Variants in PIEZO2 observed in about 807,000 individuals in gnomAD.
The protein encoded by PIEZO2 is piezo-type mechanosensitive ion channel component 2.
Under a neutral mutation model 337.3 loss-of-function variants are expected in PIEZO2, and 172 were observed. The observed-to-expected ratio is 0.51, with a 90% CI of 0.45 to 0.58. The LOEUF is 0.58. Among genes scored for constraint, PIEZO2 ranks in the 20% least tolerant of loss-of-function variants. The pLI, the probability that PIEZO2 is intolerant of heterozygous loss-of-function variation, is 0.00. For synonymous variants in PIEZO2, 1,251 were observed against 1,228.5 expected (o/e 1.02, Z -0.38); for missense variants, 3,028 against 3,391.3 (o/e 0.89, Z 2.66).
intron 5 of PIEZO2, among the ~76,000 whole-genome samples, chr18:10,860,494 C>T (rs1367335632): frequency 6.6e-6 from 1 of 152,172 alleles, no homozygotes; most frequent in African/African-American, 2.4e-5. Context: ...CAAAGAAATC[C>T]ACCCACCAGA....
Position 10,696,258 on chromosome 18 carries a change from A to G in PIEZO2, c.7006T>C (p.Ser2336Pro). 1.2e-6 allele frequency: 2 copies of G among 1,614,220 alleles called. No individual in the cohort carries two copies. Among genetic ancestry groups the G allele is most frequent in the Non-Finnish European group, 1.7e-6 (2 of 1,180,018 alleles). ...KHSAAADITS[S>P]LSEDQVPGPF... is the part of the protein sequence containing the mutation. ...CCCGGGACCTGGTCCTCTGACAGTGAAGAGGTGATGTCTGCAGCTGCTGAG... is the reference window on the plus strand; with the variant it reads ...CCCGGGACCTGGTCCTCTGACAGTGGAGAGGTGATGTCTGCAGCTGCTGAG... The change falls in exon 47 of 56, where the codon TCA becomes CCA. Residue 2336 changes from serine to proline, a missense_variant. This residue lies in a region of PIEZO2 where 179 missense variants were observed against 281.8 expected (regional missense o/e 0.64). Coordinates refer to ENST00000674853, the MANE Select transcript of PIEZO2 (RefSeq NM_001378183.1).
chr18:10,909,905 C>T (rs2030306336), intron 4 of PIEZO2, among the ~76,000 whole-genome samples: 1 of 152,222 alleles, frequency 6.6e-6, no homozygotes, highest in African/African-American at 2.4e-5. Context: ...AGACAGCAAA[C>T]AGCGATGGTG....
intron 35 of PIEZO2, among the ~76,000 whole-genome samples, chr18:10,732,980 A>T (rs1464789640): frequency 6.7e-6 from 1 of 148,282 alleles, no homozygotes; most frequent in Non-Finnish European, 1.5e-5. Flanking sequence ...AATCCCGAAA[A>T]TAGAAAACAA....
chr18:11,063,303 G>C, intron 2 of PIEZO2, among the ~76,000 whole-genome samples: 1 of 122,126 alleles, frequency 8.2e-6, no homozygotes, highest in African/African-American at 3.3e-5. Context: ...AGTGGGGAGG[G>C]ATAGCATTAG....
In PIEZO2 at chr18:10,781,088, T is replaced by C. The variant is rs1204181272; in HGVS notation, c.2493-722A>G. On this transcript the variant is annotated intron_variant, in intron 17 of 55. Transcript: ENST00000674853. This position sits in a 1 kb window ranked among gnomAD's most constrained non-coding sequence, Gnocchi z 4.1. The stretch of plus-strand genomic sequence containing the variant: ...AACATGTTGTTTTCTAAGGTTTTGC[T>C]AAAACTATAGTTTAAAAAAAGTCAT... 1.3e-5 allele frequency among the ~76,000 whole-genome samples: 2 copies of C among 152,112 alleles called. No homozygotes were observed. The highest frequency in any genetic ancestry group is 2.9e-5 in the Non-Finnish European group (2 of 68,020).
At chr18:10,780,685 T>TTTC (rs1555645143) in intron 17 of PIEZO2, among the ~76,000 whole-genome samples, 1 of 150,322 alleles carries the variant, frequency 6.7e-6, no homozygotes, top group Non-Finnish European at 1.5e-5. Context: ...TTTTTTTTTT[T>TTTC]CAGAGTCTTG....
chr18:10,995,226 G>A (rs2035277510), intron 2 of PIEZO2, among the ~76,000 whole-genome samples: 1 of 152,006 alleles, frequency 6.6e-6, no homozygotes, highest in Non-Finnish European at 1.5e-5. Context: ...CTGATCGTTA[G>A]TGATGTTGAG....
rs111449789 is a variant in PIEZO2 at position 10,854,444 on chromosome 18, T to C, written c.917+909A>G. 4.1e-4 allele frequency among the ~76,000 whole-genome samples: 62 copies of C among 152,338 alleles called. 1 individual carries two copies. The highest frequency in any genetic ancestry group is 1.5e-3 in the African/African-American group (62 of 41,578). ...TTTCAGGTGTGGACATAATAGAACA[T>C]ATCATTAAGGATTGATGAATAGTAA... On this transcript the variant is annotated intron_variant, in intron 7 of 55. Transcript: ENST00000674853. This position sits in a 1 kb window ranked among gnomAD's most constrained non-coding sequence, Gnocchi z 4.6.
At chr18:11,040,332 T>A (rs1223140348) in intron 2 of PIEZO2, among the ~76,000 whole-genome samples, 1 of 152,174 alleles carries the variant, frequency 6.6e-6, no homozygotes, top group Admixed American at 6.5e-5. Flanking sequence ...TTTAGAGACA[T>A]TATTTTATTT....
In PIEZO2 at chr18:10,768,618, T is replaced by A. The variant is rs563508081; in HGVS notation, c.2946+1530A>T. On this transcript the variant is annotated intron_variant, in intron 21 of 55. Coordinates refer to ENST00000674853, the MANE Select transcript of PIEZO2 (RefSeq NM_001378183.1). The stretch of plus-strand genomic sequence containing the variant: ...CTCTCACTTGTTTTAAAGTTAAAGG[T>A]GAGAGAGATGAAATTAGGAATGAAA... Among the ~76,000 whole-genome samples the A allele has an allele frequency of 2.7e-4, 41 of 152,164 alleles. No individual in the cohort carries two copies. In the South Asian group the frequency reaches 7.9e-3, roughly 29 times the overall value.
At position 11,048,102 on chromosome 18, in the gene PIEZO2, C is replaced by T. The variant is rs116656138; in HGVS notation, c.160+18025G>A. On this transcript the variant is annotated intron_variant, in intron 2 of 55. Transcript: ENST00000674853. This position sits in a 1 kb window ranked among gnomAD's most constrained non-coding sequence, Gnocchi z 4.5. ...GCACAGCGGCAGCCACTGCCACCAA[C>T]AGCATGTGACACCTCTTCAAGCCTG... is the stretch of plus-strand genomic sequence containing the variant. Among the ~76,000 whole-genome samples the T allele has an allele frequency of 0.04, 6,130 of 152,298 alleles. 165 individuals are homozygous for T. Among genetic ancestry groups the T allele is most frequent in the Middle Eastern group, 0.095 (28 of 294 alleles).
chr18:10,884,661 A>C (rs1345862755), intron 4 of PIEZO2, among the ~76,000 whole-genome samples: 1 of 152,168 alleles, frequency 6.6e-6, no homozygotes, highest in African/African-American at 2.4e-5. Context: ...CTTCTACCAC[A>C]CTGGCAGTGA....
At chr18:10,734,463 G>A (rs1054319329) in intron 35 of PIEZO2, among the ~76,000 whole-genome samples, 7 of 152,210 alleles carry the variant, frequency 4.6e-5, no homozygotes, top group Non-Finnish European at 8.8e-5. Context: ...ACTGGTCTAT[G>A]TCACTATCGA....
At position 10,833,804 on chromosome 18, in the gene PIEZO2, C is replaced by T. The variant is rs2040924413; in HGVS notation, c.917+21549G>A. Among the ~76,000 whole-genome samples, 1 of 152,194 alleles carries T rather than the reference C, an allele frequency of 6.6e-6. No individual in the cohort carries two copies. Among genetic ancestry groups the T allele is most frequent in the Admixed American group, 6.5e-5 (1 of 15,286 alleles). ...GCCTACAAAAATGCATCTGCAAATC[C>T]TTTGTTTAAAAAACGCATTAGGCTG... On this transcript the variant is annotated intron_variant, in intron 7 of 55. Coordinates refer to ENST00000674853, the MANE Select transcript of PIEZO2 (RefSeq NM_001378183.1). This position sits in a 1 kb window ranked among gnomAD's most constrained non-coding sequence, Gnocchi z 4.7.
chr18:10,953,845 C>T lies in PIEZO2; in HGVS notation c.286+25690G>A, dbSNP rs1340629382. Reference sequence around the variant, plus strand: ...ACAAGCAGGGGCAGCAAGAGAGAGGCAGGCTTTGAATATCAACAGCACAGG... The same window carrying T: ...ACAAGCAGGGGCAGCAAGAGAGAGGTAGGCTTTGAATATCAACAGCACAGG... On this transcript the variant is annotated intron_variant, in intron 3 of 55. Coordinates refer to ENST00000674853, the MANE Select transcript of PIEZO2 (RefSeq NM_001378183.1). This position sits in a 1 kb window ranked among gnomAD's most constrained non-coding sequence, Gnocchi z 5.2. 6.6e-6 allele frequency among the ~76,000 whole-genome samples: 1 copy of T among 152,076 alleles called. No individual in the cohort carries two copies. Among genetic ancestry groups the T allele is most frequent in the Non-Finnish European group, 1.5e-5 (1 of 68,032 alleles).
intron 53 of PIEZO2, 148 bp from the exon 54 acceptor site, chr18:10,675,436 G>A (rs2033955328): frequency 9.3e-6 from 4 of 430,090 alleles, no homozygotes; most frequent in South Asian, 4.9e-5. Context: ...CATAATTTAC[G>A]GGTTCCTATT....
At position 10,670,812 on chromosome 18, in the gene PIEZO2, G is replaced by A. The variant is rs755330504; in HGVS notation, c.*715C>T. On this transcript the variant is annotated 3_prime_UTR_variant, in exon 56 of 56. Transcript: ENST00000674853. Reference sequence around the variant, plus strand: ...CCCTCATTGAAGCTGGTCACTGGTGGACCATAACAAAGCAGGTGTACACAT... The same window carrying A: ...CCCTCATTGAAGCTGGTCACTGGTGAACCATAACAAAGCAGGTGTACACAT... 3 of 151,978 alleles carry A rather than the reference G, an allele frequency of 2.0e-5. No individual in the cohort carries two copies. Among genetic ancestry groups the A allele is most frequent in the Non-Finnish European group, 4.4e-5 (3 of 67,984 alleles). The allele number at this position is 151,978 out of a possible 1,614,324, so 9.4% of individuals were successfully genotyped here.
At chr18:10,674,565 G>A (rs2033910196) in intron 54 of PIEZO2, among the ~76,000 whole-genome samples, 1 of 152,254 alleles carries the variant, frequency 6.6e-6, no homozygotes, top group Admixed American at 6.5e-5. Context: ...CAGCAGCACG[G>A]AGCCCAGGCT....
chr18:10,672,457 C>T lies in PIEZO2; in HGVS notation c.8345+233G>A, dbSNP rs546595707. Among the ~76,000 whole-genome samples the T allele has an allele frequency of 2.8e-4, 43 of 152,240 alleles. No individual in the cohort carries two copies. Among genetic ancestry groups the T allele is most frequent in the Admixed American group, 5.2e-4 (8 of 15,292 alleles). ...ATTAAACTGTGCCATAACAGGAAGACGTGGAGTAAAGAAGCCATATACCTG... is the reference window on the plus strand; with the variant it reads ...ATTAAACTGTGCCATAACAGGAAGATGTGGAGTAAAGAAGCCATATACCTG... On this transcript the variant is annotated intron_variant, in intron 55 of 55. Coordinates refer to ENST00000674853, the MANE Select transcript of PIEZO2 (RefSeq NM_001378183.1). The surrounding 1 kb of genome is among the most constrained non-coding windows in gnomAD (Gnocchi z 4.7).
Sources: allele counts gnomAD v4.1 joint callset (sites outside exome capture counted in the v4.1 genomes callset), GRCh38; gene constraint gnomAD v4.1.1; regional missense constraint gnomAD v4.1.1; non-coding constraint Gnocchi (gnomAD v3.1); transcripts MANE v1.5; gene names NCBI Gene and HGNC (gene_info 2026-07-23, HGNC 2026-07-21).